The following ADAMTS2 variants were observed in gnomAD, a reference collection of about 807,000 sequenced individuals.
The protein encoded by ADAMTS2 is A disintegrin and metalloproteinase with thrombospondin motifs 2.
A neutral mutation model predicts 123.0 loss-of-function variants in ADAMTS2; 50 were observed. That is an observed-to-expected ratio of 0.41 (90% confidence interval 0.32 to 0.51). ADAMTS2 has a LOEUF of 0.51. ADAMTS2 is among the 20% of genes least tolerant of loss of function. The pLI is 0.35. For missense variants in ADAMTS2, 1,494 were observed against 1,705.2 expected (o/e 0.88, Z 2.18); for synonymous variants, 678 against 695.4 (o/e 0.98, Z 0.39).
At position 179,234,365 on chromosome 5, in the gene ADAMTS2, G is replaced by A. The variant is rs1158468356; in HGVS notation, c.689-26650C>T. Among the ~76,000 whole-genome samples the A allele has an allele frequency of 1.3e-5, 2 of 152,162 alleles. No individual in the cohort carries two copies. Among genetic ancestry groups the A allele is most frequent in the East Asian group, 3.9e-4 (2 of 5,178 alleles). On this transcript the variant is annotated intron_variant, in intron 3 of 21. Transcript: ENST00000251582. This position sits in a 1 kb window ranked among gnomAD's most constrained non-coding sequence, Gnocchi z 4.7. ...GAGAAGTGGAGGCTGCACCCCCACAGGAAGTGGGGCCCAGTCCACCGTGCC... is the reference window on the plus strand; with the variant it reads ...GAGAAGTGGAGGCTGCACCCCCACAAGAAGTGGGGCCCAGTCCACCGTGCC...
Position 179,332,832 on chromosome 5 carries a change from G to A in ADAMTS2, c.534+10935C>T, listed in dbSNP as rs1757516712. On this transcript the variant is annotated intron_variant, in intron 2 of 21. Coordinates refer to ENST00000251582, the MANE Select transcript of ADAMTS2 (RefSeq NM_014244.5). This position sits in a 1 kb window ranked among gnomAD's most constrained non-coding sequence, Gnocchi z 4.2. Reference sequence around the variant, plus strand: ...CACCTGCCTGGGAGGGCACTGAGGAGCACCAAGGAGGATGCCTACCACTGC... The same window carrying A: ...CACCTGCCTGGGAGGGCACTGAGGAACACCAAGGAGGATGCCTACCACTGC... Among the ~76,000 whole-genome samples the A allele has an allele frequency of 6.6e-6, 1 of 152,148 alleles. No homozygotes were observed. The highest frequency in any genetic ancestry group is 2.4e-5 in the African/African-American group (1 of 41,442).
rs1763800135 is a variant in ADAMTS2 at position 179,170,713 on chromosome 5, C to T, written c.975+10359G>A. Among the ~76,000 whole-genome samples, 1 of 152,200 alleles carries T rather than the reference C, an allele frequency of 6.6e-6. No individual in the cohort carries two copies. Among genetic ancestry groups the T allele is most frequent in the Non-Finnish European group, 1.5e-5 (1 of 68,020 alleles). On this transcript the variant is annotated intron_variant, in intron 5 of 21. Transcript: ENST00000251582. The surrounding 1 kb of genome is among the most constrained non-coding windows in gnomAD (Gnocchi z 4.3). ...TGGTCCCCTATTGCCTGCCACCCTG[C>T]TGTATTCCTTGCCGGTGCTCACCAC...
At position 179,307,253 on chromosome 5, in the gene ADAMTS2, C is replaced by T. The variant is rs1756703872; in HGVS notation, c.535-34189G>A. 6.6e-6 allele frequency among the ~76,000 whole-genome samples: 1 copy of T among 152,264 alleles called. No homozygotes were observed. Among genetic ancestry groups the T allele is most frequent in the Admixed American group, 6.5e-5 (1 of 15,312 alleles). On this transcript the variant is annotated intron_variant, in intron 2 of 21. Coordinates refer to ENST00000251582, the MANE Select transcript of ADAMTS2 (RefSeq NM_014244.5). The surrounding 1 kb of genome is among the most constrained non-coding windows in gnomAD (Gnocchi z 5.6). Reference sequence around the variant, plus strand: ...TGCCCCAGCAGTGCTGTGAGAGCATCGCACCCTGCAAGCCTCAGCCTTCAG... The same window carrying T: ...TGCCCCAGCAGTGCTGTGAGAGCATTGCACCCTGCAAGCCTCAGCCTTCAG...
chr5:179,328,528 A>G (rs995605360), intron 2 of ADAMTS2, among the ~76,000 whole-genome samples: 3 of 152,230 alleles, frequency 2.0e-5, no homozygotes, highest in African/African-American at 4.8e-5. Flanking sequence ...CAGGTCAACC[A>G]TGGGTATCAA....
intron 2 of ADAMTS2, among the ~76,000 whole-genome samples, chr5:179,284,972 G>A (rs1464927893): frequency 4.6e-5 from 7 of 152,300 alleles, no homozygotes; most frequent in Middle Eastern, 3.4e-3. Flanking sequence ...CTCTGACTGA[G>A]TGGCCTCTCT....
At position 179,162,489 on chromosome 5, in the gene ADAMTS2, G is replaced by A. The variant is rs534784883; in HGVS notation, c.976-3610C>T. On this transcript the variant is annotated intron_variant, in intron 5 of 21. Transcript: ENST00000251582. This position sits in a 1 kb window ranked among gnomAD's most constrained non-coding sequence, Gnocchi z 5.1. ...CTCATCTGAAGGCTGTACCGGAGGCGGGTCAGCTCCCAGGCTCATTCAGGT... is the reference window on the plus strand; with the variant it reads ...CTCATCTGAAGGCTGTACCGGAGGCAGGTCAGCTCCCAGGCTCATTCAGGT... Among the ~76,000 whole-genome samples the A allele has an allele frequency of 2.6e-5, 4 of 152,282 alleles. No homozygotes were observed. The highest frequency in any genetic ancestry group is 2.1e-4 in the South Asian group (1 of 4,828).
chr5:179,323,767 T>A (rs556910359), intron 2 of ADAMTS2, among the ~76,000 whole-genome samples: 14 of 152,300 alleles, frequency 9.2e-5, no homozygotes, highest in Admixed American at 9.1e-4. Context: ...CAACTTAAAT[T>A]ATAGAGGCTG....
chr5:179,224,108 C>T (rs1193166248), intron 3 of ADAMTS2, among the ~76,000 whole-genome samples: 1 of 152,182 alleles, frequency 6.6e-6, no homozygotes. Flanking sequence ...GAGCAGTTGG[C>T]CGTGGAGTCT....
At chr5:179,121,535 C>G in intron 21 of ADAMTS2, 126 bp downstream of exon 21, 1 of 751,358 alleles carries the variant, frequency 1.3e-6, no homozygotes, top group Non-Finnish European at 2.1e-6. Context: ...AACGGTCACC[C>G]CAGAGCGCGC....
Position 179,132,799 on chromosome 5 carries a change from G to GA in ADAMTS2, c.2186dup (p.Thr730HisfsTer14). ...CACCATGCTTCTTGGGTGACCGTGT[G>GA]AACGTGCCCTTGACCACTTTGCAGT... On this transcript the variant is annotated frameshift_variant, in exon 14 of 22. Coordinates refer to ENST00000251582, the MANE Select transcript of ADAMTS2 (RefSeq NM_014244.5). LOFTEE classifies it high-confidence loss of function. The surrounding 1 kb of genome is among the most constrained non-coding windows in gnomAD (Gnocchi z 6.1). 6.2e-7 allele frequency: 1 copy of GA among 1,614,156 alleles called. No homozygotes were observed. The highest frequency in any genetic ancestry group is 8.5e-7 in the Non-Finnish European group (1 of 1,180,020).
chr5:179,113,910 A>C lies in ADAMTS2; in HGVS notation c.3593T>G (p.Leu1198Arg), dbSNP rs776468273. The C allele has an allele frequency of 4.3e-6, 7 of 1,613,792 alleles. No individual in the cohort carries two copies. The Admixed American group carries it at 1.0e-4, about 23-fold the overall frequency. Residue 1198 changes from leucine to arginine, a missense_variant, in exon 22 of 22, where the codon CTC (leucine) becomes CGC (arginine). Physicochemically the swap from Leu to Arg is moderately radical, Grantham distance 102. Coordinates refer to ENST00000251582, the MANE Select transcript of ADAMTS2 (RefSeq NM_014244.5). Reference sequence around the variant, plus strand: ...CTCTTTCTTCCGCATCTCATCAATGAGCTCTTGGATTCTTTGGTTTCTGGT... The same window carrying C: ...CTCTTTCTTCCGCATCTCATCAATGCGCTCTTGGATTCTTTGGTTTCTGGT... Reference protein sequence around the residue: ...EKTRNQRIQELIDEMRKKEML... With the variant: ...EKTRNQRIQERIDEMRKKEML...
At chr5:179,154,674 G>A (rs1057315919) in intron 7 of ADAMTS2, 140 bp downstream of exon 7, 11 of 710,368 alleles carry the variant, frequency 1.5e-5, no homozygotes, top group African/African-American at 8.8e-5. Context: ...ACTGCCCAGC[G>A]CTGGGAAGAC....
At chr5:179,187,789 A>G (rs1339238794) in intron 4 of ADAMTS2, among the ~76,000 whole-genome samples, 3 of 152,218 alleles carry the variant, frequency 2.0e-5, no homozygotes, top group Non-Finnish European at 4.4e-5. Flanking sequence ...AGCCGCAGCC[A>G]TCTCTGTGCG....
At position 179,118,537 on chromosome 5, in the gene ADAMTS2, A is replaced by G. The variant is rs371510935; in HGVS notation, c.3178+3124T>C. Among the ~76,000 whole-genome samples, 12 of 152,184 alleles carry G rather than the reference A, an allele frequency of 7.9e-5. No homozygotes were observed. In the East Asian group the frequency reaches 9.6e-4, roughly 12 times the overall value. On this transcript the variant is annotated intron_variant, in intron 21 of 21. Transcript: ENST00000251582. This position sits in a 1 kb window ranked among gnomAD's most constrained non-coding sequence, Gnocchi z 4.5. The stretch of plus-strand genomic sequence containing the variant: ...ACGATCTTGGCTACACCTGAACAGC[A>G]CCTGCATTATTATTTGCTTAGTCAT...
chr5:179,145,747 T>C (rs945641258), intron 10 of ADAMTS2, among the ~76,000 whole-genome samples: 1 of 152,256 alleles, frequency 6.6e-6, no homozygotes, highest in South Asian at 2.1e-4. Context: ...TACTAAAGGG[T>C]TTGGAACTTT....
chr5:179,206,669 C>T (rs1581189422), intron 4 of ADAMTS2, among the ~76,000 whole-genome samples: 2 of 152,186 alleles, frequency 1.3e-5, no homozygotes, highest in Non-Finnish European at 2.9e-5. Context: ...CCAGTCTGCT[C>T]CCCTGGGAGC....
intron 3 of ADAMTS2, among the ~76,000 whole-genome samples, chr5:179,248,142 T>G (rs1765846518): frequency 6.6e-6 from 1 of 152,132 alleles, no homozygotes; most frequent in African/African-American, 2.4e-5. Flanking sequence ...CTATTGACAC[T>G]AAGTTGATAT....
chr5:179,195,005 G>A lies in ADAMTS2; in HGVS notation c.891+12508C>T, dbSNP rs113968288. On this transcript the variant is annotated intron_variant, in intron 4 of 21. Transcript: ENST00000251582. Reference sequence around the variant, plus strand: ...ACGATGCGGCCAGGCCTTTGCGCGCGCTGTGCCACCACCAGGAGTCCTCAT... The same window carrying A: ...ACGATGCGGCCAGGCCTTTGCGCGCACTGTGCCACCACCAGGAGTCCTCAT... 1.2e-4 allele frequency among the ~76,000 whole-genome samples: 18 copies of A among 152,294 alleles called. No homozygotes were observed. The South Asian group carries it at 2.7e-3, about 23-fold the overall frequency.
chr5:179,333,914 G>A (rs1757543154), intron 2 of ADAMTS2, among the ~76,000 whole-genome samples: 1 of 152,124 alleles, frequency 6.6e-6, no homozygotes, highest in Admixed American at 6.5e-5. Flanking sequence ...TTCTAAGGAG[G>A]GAAATGTCTT....
Sources: gnomAD v4.1 joint callset for allele counts (sites outside exome capture counted in the v4.1 genomes callset) on GRCh38, gnomAD v4.1.1 for gene constraint, Gnocchi (gnomAD v3.1) non-coding constraint, MANE v1.5 for transcripts, NCBI Gene and HGNC (gene_info 2026-07-23, HGNC 2026-07-21) for gene names.